ZFYVE16: variants seen among roughly 807,000 people sequenced by gnomAD.
The protein encoded by ZFYVE16 is zinc finger FYVE domain-containing protein 16.
ZFYVE16 carries 89 observed loss-of-function variants against 138.1 expected under a neutral mutation model. The observed-to-expected ratio is 0.64, with a 90% confidence interval of 0.54 to 0.77. The LOEUF is 0.77. Among genes scored for constraint, ZFYVE16 ranks in the 30% least tolerant of loss-of-function variants. The probability of loss-of-function intolerance (pLI) is 0.00; values close to 1 mark genes in which losing one functional copy is unlikely to be tolerated. For missense variants in ZFYVE16, 1,793 were observed against 1,786.7 expected (o/e 1.00, Z -0.06); for synonymous variants, 596 against 618.3 (o/e 0.96, Z 0.53).
intron 11 of ZFYVE16, 28 bp from the exon 12 acceptor site, chr5:80,455,664 G>A: frequency 6.3e-7 from 1 of 1,578,366 alleles, no homozygotes; most frequent in South Asian, 1.1e-5. Context: ...TTTGTTGATA[G>A]TAACCAGTTT....
At chr5:80,440,317 T>G in intron 5 of ZFYVE16, 6 of 1,056,400 alleles carry the variant, frequency 5.7e-6, no homozygotes, top group Non-Finnish European at 6.9e-6. Flanking sequence ...CCTATTTGTT[T>G]TTGTCATCAT....
At chr5:80,470,162 C>T (rs1358615012) in intron 15 of ZFYVE16, among the ~76,000 whole-genome samples, 20 of 134,704 alleles carry the variant, frequency 1.5e-4, no homozygotes, top group East Asian at 4.5e-4. Flanking sequence ...AGTGCAGTGG[C>T]GCAATCTCGG....
Position 80,451,481 on chromosome 5 carries a change from G to A in ZFYVE16, c.3383-4G>A. ...AATCTTTTTACTAATGATTTTATTTGCAGGAAAATACATAGAAAACTTGGA... is the reference window on the plus strand; with the variant it reads ...AATCTTTTTACTAATGATTTTATTTACAGGAAAATACATAGAAAACTTGGA... On this transcript the variant is annotated splice_region_variant and splice_polypyrimidine_tract_variant and intron_variant, in intron 10 of 18. Transcript: ENST00000505560. 1.9e-6 allele frequency: 3 copies of A among 1,583,134 alleles called. No homozygotes were observed. Among genetic ancestry groups the A allele is most frequent in the Non-Finnish European group, 2.6e-6 (3 of 1,164,710 alleles).
In ZFYVE16 at chr5:80,456,019, CAG is replaced by C. The variant is rs1752493430; in HGVS notation, c.3690+246_3690+247del. The C allele has an allele frequency of 2.6e-5, 11 of 424,470 alleles. No homozygotes were observed. In the South Asian group the frequency reaches 2.9e-4, roughly 11 times the overall value. The allele number at this position is 424,470 out of a possible 1,614,324, so 26.3% of individuals were successfully genotyped here. On this transcript the variant is annotated intron_variant, in intron 12 of 18. Coordinates refer to ENST00000505560, the MANE Select transcript of ZFYVE16 (RefSeq NM_001284236.3). ...AAGTGCCTTTTGATTCATTCTCCTG[CAG>C]TTCTTGGATATTTAGGTAATGTAAG... is the stretch of plus-strand genomic sequence containing the variant.
At chr5:80,454,736 T>G (rs1207537233) in intron 11 of ZFYVE16, 1 of 152,300 alleles carries the variant, frequency 6.6e-6, no homozygotes, top group Non-Finnish European at 1.5e-5. Flanking sequence ...GGTCTCGATC[T>G]CCTGACCTCA....
At chr5:80,467,949 GA>G (rs1041450181) in intron 15 of ZFYVE16, among the ~76,000 whole-genome samples, 4 of 151,996 alleles carry the variant, frequency 2.6e-5, no homozygotes, top group South Asian at 2.1e-4. Flanking sequence ...CAAATTATAA[GA>G]AAAAAATATA....
chr5:80,415,958 G>A (rs921736308), intron 1 of ZFYVE16, among the ~76,000 whole-genome samples: 1 of 152,094 alleles, frequency 6.6e-6, no homozygotes, highest in Non-Finnish European at 1.5e-5. Flanking sequence ...GAGCCACCAC[G>A]CCCGGCCAAC....
intron 1 of ZFYVE16, among the ~76,000 whole-genome samples, chr5:80,422,863 AC>A: frequency 6.6e-6 from 1 of 152,306 alleles, no homozygotes; most frequent in Non-Finnish European, 1.5e-5. Context: ...AGCCTTGCAT[AC>A]CTGGATAAAT....
rs889663213 is a variant in ZFYVE16, at chr5:80,450,527, A to T, written c.3323A>T (p.Asp1108Val). 5.6e-6 allele frequency: 9 copies of T among 1,613,628 alleles called. No homozygotes were observed. The highest frequency in any genetic ancestry group is 7.6e-6 in the Non-Finnish European group (9 of 1,179,700). ...IILLLCLPNE[D>V]TIPKDIFRLF... ...CTATTGTTATGTTTGCCAAATGAAG[A>T]TACTATTCCTAAGGACATCTTCAGA... is the stretch of plus-strand genomic sequence containing the variant. Residue 1108 changes from aspartate (D) to valine (V), a missense_variant, in exon 10 of 19, where the codon GAT becomes GTT. Asp to Val is a radical substitution (Grantham distance 152). This residue lies in a region of ZFYVE16 where 498 missense variants were observed against 582.4 expected (regional missense o/e 0.86). Transcript: ENST00000505560.
At chr5:80,420,342 C>T (rs190943133) in intron 1 of ZFYVE16, among the ~76,000 whole-genome samples, 2 of 151,952 alleles carry the variant, frequency 1.3e-5, no homozygotes, top group African/African-American at 2.4e-5. Context: ...ATGTGTACAA[C>T]GTGCAGGTTT....
intron 1 of ZFYVE16, among the ~76,000 whole-genome samples, chr5:80,418,125 A>T (rs1222672508): frequency 6.6e-6 from 1 of 151,672 alleles, no homozygotes; most frequent in Non-Finnish European, 1.5e-5. Flanking sequence ...CCAATTTTAA[A>T]ATTGGATTAT....
chr5:80,443,735 C>A, intron 6 of ZFYVE16: 3 of 456,382 alleles, frequency 6.6e-6, no homozygotes, highest in African/African-American at 2.0e-5. Context: ...AAGATCCTGG[C>A]AGGAACCAGA....
At chr5:80,447,649 G>A (rs749374935) in intron 7 of ZFYVE16, among the ~76,000 whole-genome samples, 2 of 152,066 alleles carry the variant, frequency 1.3e-5, no homozygotes, top group African/African-American at 2.4e-5. Flanking sequence ...CCTCCTCCCT[G>A]CCTACCCAAG....
chr5:80,410,604 C>T (rs1745274182), intron 1 of ZFYVE16, among the ~76,000 whole-genome samples: 1 of 151,744 alleles, frequency 6.6e-6, no homozygotes, highest in South Asian at 2.1e-4. Context: ...CAGAGTCTCG[C>T]TCTTTCGCCA....
At chr5:80,453,826 A>G (rs1282949925) in intron 11 of ZFYVE16, among the ~76,000 whole-genome samples, 1 of 152,232 alleles carries the variant, frequency 6.6e-6, no homozygotes, top group South Asian at 2.1e-4. Flanking sequence ...TAATTTTTAA[A>G]TGCTTTTGAA....
chr5:80,459,567 T>C, intron 15 of ZFYVE16, 73 bp downstream of exon 15: 2 of 1,310,420 alleles, frequency 1.5e-6, no homozygotes, highest in Non-Finnish European at 2.2e-6. Context: ...ATATTTGATA[T>C]TTACACAAGA....
intron 3 of ZFYVE16, among the ~76,000 whole-genome samples, chr5:80,434,587 C>A (rs536503938): frequency 6.6e-6 from 1 of 152,186 alleles, no homozygotes; most frequent in Admixed American, 6.5e-5. Context: ...AGCATTTCTC[C>A]CACTTCAGCC....
rs199976749 is a variant in ZFYVE16, at chr5:80,443,297, A to G, written c.2581+13A>G. ...CCAGGTGTTGAAGGTAATAGAAGAA[A>G]ACTGTGTCTTAGACTAAAGATAAAT... On this transcript the variant is annotated intron_variant, in intron 6 of 18. Transcript: ENST00000505560. The G allele has an allele frequency of 2.3e-4, 374 of 1,601,486 alleles. No individual in the cohort carries two copies. Among genetic ancestry groups the G allele is most frequent in the Non-Finnish European group, 3.1e-4 (362 of 1,177,026 alleles).
Position 80,439,955 on chromosome 5 carries a change from G to A in ZFYVE16, c.2342G>A (p.Cys781Tyr). 6.2e-7 allele frequency: 1 copy of A among 1,609,932 alleles called. No individual in the cohort carries two copies. The highest frequency in any genetic ancestry group is 8.5e-7 in the Non-Finnish European group (1 of 1,178,054). Residue 781 changes from cysteine to tyrosine, a missense_variant, in exon 5 of 19, where the codon TGT (cysteine) becomes TAT (tyrosine). Around this residue, in one of 2 missense-constraint regions of ZFYVE16, gnomAD observed 1,295 missense variants for 1,204.3 expected, o/e 1.08. Coordinates refer to ENST00000505560, the MANE Select transcript of ZFYVE16 (RefSeq NM_001284236.3). ...TTATAGGTATTTTGTGGTGTCTGTT[G>A]TAATAGGAAGTGTAAACTGCAATAT... ...ACGKVFCGVC[C>Y]NRKCKLQYLE...
Sources: gnomAD v4.1 joint callset for allele counts (sites outside exome capture counted in the v4.1 genomes callset) on GRCh38, gnomAD v4.1.1 for gene constraint, gnomAD v4.1.1 regional missense constraint, MANE v1.5 for transcripts, NCBI Gene and HGNC (gene_info 2026-07-23, HGNC 2026-07-21) for gene names.